KCNQ5: variants seen among roughly 807,000 people sequenced by gnomAD.
KCNQ5 encodes the protein potassium voltage-gated channel subfamily Q member 5.
In KCNQ5, 30 loss-of-function variants were observed where a neutral mutation model predicts 98.2. The ratio of observed to expected loss-of-function variants is 0.31; its 90% CI spans 0.23 to 0.41. KCNQ5 has a LOEUF of 0.41. Among genes scored for constraint, KCNQ5 ranks in the 10% least tolerant of loss-of-function variants. The probability of loss-of-function intolerance (pLI) is 1.00; values close to 1 mark genes in which losing one functional copy is unlikely to be tolerated. For missense variants in KCNQ5, 835 were observed against 1,182.5 expected (o/e 0.71, Z 4.31); for synonymous variants, 458 against 449.4 (o/e 1.02, Z -0.24).
At chr6:72,660,901 G>A (rs1342208236) in intron 1 of KCNQ5, among the ~76,000 whole-genome samples, 3 of 151,990 alleles carry the variant, frequency 2.0e-5, no homozygotes, top group South Asian at 4.2e-4. Context: ...AATGATGGCC[G>A]GAACCAAAGT....
At chr6:72,831,173 A>G (rs927462668) in intron 1 of KCNQ5, among the ~76,000 whole-genome samples, 8 of 152,194 alleles carry the variant, frequency 5.3e-5, no homozygotes, top group African/African-American at 1.7e-4. Context: ...CAGTGTGGCG[A>G]TTCCTCAAGG....
chr6:73,077,076 C>G (rs565895596), intron 3 of KCNQ5, among the ~76,000 whole-genome samples: 64 of 152,262 alleles, frequency 4.2e-4, no homozygotes, highest in Non-Finnish European at 8.1e-4. Flanking sequence ...TTCAAAATTG[C>G]ATAGGTAAAG....
At position 73,018,798 on chromosome 6, in the gene KCNQ5, G is replaced by A. The variant is rs561307635; in HGVS notation, c.489+14800G>A. Among the ~76,000 whole-genome samples, 16 of 152,244 alleles carry A rather than the reference G, an allele frequency of 1.1e-4. No homozygotes were observed. The South Asian group carries it at 3.3e-3, about 32-fold the overall frequency. On this transcript the variant is annotated intron_variant, in intron 2 of 13. Coordinates refer to ENST00000370398, the MANE Select transcript of KCNQ5 (RefSeq NM_019842.4). ...TTTATGAAATTGTACATACAGTAAT[G>A]ATGTCAATGTAACACAGAAGTTAGA... is the stretch of plus-strand genomic sequence containing the variant.
chr6:72,879,230 C>T (rs1035540577), intron 1 of KCNQ5, among the ~76,000 whole-genome samples: 3 of 152,098 alleles, frequency 2.0e-5, no homozygotes, highest in African/African-American at 7.2e-5. Flanking sequence ...TGCACTCCCT[C>T]CAAGAGTGGT....
chr6:72,649,022 C>T (rs1217351094), intron 1 of KCNQ5, among the ~76,000 whole-genome samples: 2 of 152,072 alleles, frequency 1.3e-5, no homozygotes, highest in Non-Finnish European at 2.9e-5. Context: ...GTGAAATTAG[C>T]TTTTGATAGA....
intron 1 of KCNQ5, among the ~76,000 whole-genome samples, chr6:72,825,069 T>C (rs1037257043): frequency 6.6e-6 from 1 of 152,108 alleles, no homozygotes; most frequent in East Asian, 1.9e-4. Context: ...TGGGTAATGA[T>C]GTCATCTGTC....
chr6:73,173,747 C>CA (rs1778099971), intron 11 of KCNQ5, among the ~76,000 whole-genome samples: 1 of 149,876 alleles, frequency 6.7e-6, no homozygotes, highest in Middle Eastern at 3.2e-3. Context: ...CTCAGGAATT[C>CA]AAGACCAGCC....
At chr6:73,090,268 TC>T (rs772760822) in intron 5 of KCNQ5, among the ~76,000 whole-genome samples, 68 of 152,278 alleles carry the variant, frequency 4.5e-4, no homozygotes, top group Non-Finnish European at 8.1e-4. Context: ...TTTGTTTTTT[TC>T]ATGTTGATTT....
At chr6:72,639,450 A>G (rs182895726) in intron 1 of KCNQ5, among the ~76,000 whole-genome samples, 1 of 152,244 alleles carries the variant, frequency 6.6e-6, no homozygotes, top group East Asian at 1.9e-4. Context: ...GATGTCCTGG[A>G]AAAAAAGGCC....
At chr6:73,068,258 T>G (rs187390203) in intron 3 of KCNQ5, among the ~76,000 whole-genome samples, 1 of 152,270 alleles carries the variant, frequency 6.6e-6, no homozygotes, top group East Asian at 1.9e-4. Context: ...ATTGCACCAT[T>G]GCCCTCTAGC....
At chr6:72,758,695 A>G (rs907560810) in intron 1 of KCNQ5, among the ~76,000 whole-genome samples, 2 of 152,192 alleles carry the variant, frequency 1.3e-5, no homozygotes, top group African/African-American at 4.8e-5. Context: ...CAATTGTAAT[A>G]TATTTATTCA....
intron 1 of KCNQ5, among the ~76,000 whole-genome samples, chr6:72,912,975 TATGA>T (rs1257382571): frequency 6.6e-6 from 1 of 152,094 alleles, no homozygotes; most frequent in Non-Finnish European, 1.5e-5. Context: ...ATACTTGGGT[TATGA>T]AATAATCTGT....
chr6:72,712,978 T>C (rs1561937288), intron 1 of KCNQ5, among the ~76,000 whole-genome samples: 1 of 152,202 alleles, frequency 6.6e-6, no homozygotes, highest in Non-Finnish European at 1.5e-5. Flanking sequence ...TTCTCTCTCC[T>C]GTTTGCTGCA....
At chr6:72,765,797 A>C (rs753339455) in intron 1 of KCNQ5, among the ~76,000 whole-genome samples, 2 of 152,046 alleles carry the variant, frequency 1.3e-5, no homozygotes, top group Non-Finnish European at 2.9e-5. Flanking sequence ...ATAAAACATA[A>C]TGCTCTATGG....
chr6:72,642,354 G>T (rs1765364106), intron 1 of KCNQ5, among the ~76,000 whole-genome samples: 1 of 151,592 alleles, frequency 6.6e-6, no homozygotes, highest in Non-Finnish European at 1.5e-5. Context: ...AAGTTCTGGG[G>T]TACATGTGCA....
At chr6:73,093,876 C>T (rs1027007360) in intron 5 of KCNQ5, among the ~76,000 whole-genome samples, 3 of 152,010 alleles carry the variant, frequency 2.0e-5, no homozygotes, top group African/African-American at 7.3e-5. Context: ...AATGTATATT[C>T]TATGGTTGTT....
chr6:72,909,670 G>A (rs1484640534), intron 1 of KCNQ5, among the ~76,000 whole-genome samples: 1 of 152,124 alleles, frequency 6.6e-6, no homozygotes, highest in Non-Finnish European at 1.5e-5. Context: ...AAGCAACAAT[G>A]TTCAAAGATA....
intron 1 of KCNQ5, among the ~76,000 whole-genome samples, chr6:72,944,129 A>G (rs1766431183): frequency 6.6e-6 from 1 of 152,230 alleles, no homozygotes. Context: ...TGATATAGAT[A>G]AACCACTTAG....
At chr6:73,092,744 C>A (rs1011616153) in intron 5 of KCNQ5, among the ~76,000 whole-genome samples, 7 of 152,180 alleles carry the variant, frequency 4.6e-5, no homozygotes, top group Non-Finnish European at 4.4e-5. Flanking sequence ...ACTATCCCTG[C>A]ATCCCTGGTA....
Sources: gnomAD v4.1 joint callset for allele counts (sites outside exome capture counted in the v4.1 genomes callset) on GRCh38, gnomAD v4.1.1 for gene constraint, MANE v1.5 for transcripts, NCBI Gene and HGNC (gene_info 2026-07-23, HGNC 2026-07-21) for gene names.